Variants in CELF5 observed in about 807,000 individuals in gnomAD.
CELF5 encodes CUG-BP and ETR-3 like factor 5.
Under a neutral mutation model 54.9 loss-of-function variants are expected in CELF5, and 6 were observed. That is an observed-to-expected ratio of 0.11 (90% CI 0.06 to 0.22). CELF5 has a LOEUF of 0.22. Among genes scored for constraint, CELF5 ranks in the 10% least tolerant of loss-of-function variants. The pLI, the probability that CELF5 is intolerant of heterozygous loss-of-function variation, is 1.00. For missense variants in CELF5, 401 were observed against 678.6 expected (o/e 0.59, Z 4.54); for synonymous variants, 271 against 290.9 (o/e 0.93, Z 0.70).
chr19:3,238,823 A>G (rs200625062), intron 1 of CELF5, among the ~76,000 whole-genome samples: 102 of 152,302 alleles, frequency 6.7e-4, no homozygotes, highest in East Asian at 5.2e-3. Flanking sequence ...CCCAGTACTC[A>G]GGAGGCTGAA....
chr19:3,235,190 A>G (rs4807426), intron 1 of CELF5, among the ~76,000 whole-genome samples: 30,936 of 151,958 alleles, frequency 0.2, 3,123 homozygotes, highest in East Asian at 0.24. Flanking sequence ...TTCTTCCCCC[A>G]GATACTCACA....
At position 3,281,099 on chromosome 19, in the gene CELF5, C is replaced by A; in HGVS notation, c.604-100C>A. 2 of 1,397,036 alleles carry A rather than the reference C, an allele frequency of 1.4e-6. No homozygotes were observed. The highest frequency in any genetic ancestry group is 2.0e-6 in the Non-Finnish European group (2 of 1,015,910). 86.5% of individuals were successfully genotyped at this position (1,397,036 alleles called of 1,614,324 possible). ...ATGGCTGACAGCCACTGGCATTACACCCCTCACCCAGGAGGCCTGAGCTAA... is the reference window on the plus strand; with the variant it reads ...ATGGCTGACAGCCACTGGCATTACAACCCTCACCCAGGAGGCCTGAGCTAA... On this transcript the variant is annotated intron_variant, in intron 5 of 12. Coordinates refer to ENST00000292672, the MANE Select transcript of CELF5 (RefSeq NM_021938.4). This position sits in a 1 kb window ranked among gnomAD's most constrained non-coding sequence, Gnocchi z 6.5.
At position 3,228,693 on chromosome 19, in the gene CELF5, G is replaced by A. The variant is rs948403626; in HGVS notation, c.259+3695G>A. On this transcript the variant is annotated intron_variant, in intron 1 of 12. Transcript: ENST00000292672. This position sits in a 1 kb window ranked among gnomAD's most constrained non-coding sequence, Gnocchi z 6.0. ...CACCAGCTGCCGGCTCGACTCGGGAGGGGGGGAGGAGGAGGCTGTAGCAGG... is the reference window on the plus strand; with the variant it reads ...CACCAGCTGCCGGCTCGACTCGGGAAGGGGGGAGGAGGAGGCTGTAGCAGG... Among the ~76,000 whole-genome samples the A allele has an allele frequency of 3.3e-5, 5 of 151,906 alleles. No homozygotes were observed. Among genetic ancestry groups the A allele is most frequent in the South Asian group, 2.1e-4 (1 of 4,790 alleles).
At chr19:3,247,757 C>T (rs942221126) in intron 1 of CELF5, among the ~76,000 whole-genome samples, 16 of 151,342 alleles carry the variant, frequency 1.1e-4, no homozygotes, top group East Asian at 1.9e-4. Context: ...TGAAATGTAC[C>T]GTTAAAAAAT....
intron 2 of CELF5, among the ~76,000 whole-genome samples, chr19:3,256,638 G>A (rs966250928): frequency 1.0e-4 from 15 of 143,278 alleles, no homozygotes; most frequent in South Asian, 4.5e-4. Flanking sequence ...GCGCGATCTC[G>A]GCTCACTGCA....
intron 1 of CELF5, among the ~76,000 whole-genome samples, chr19:3,243,321 G>T (rs898794184): frequency 3.3e-5 from 5 of 152,028 alleles, no homozygotes; most frequent in African/African-American, 1.2e-4. Context: ...CTTGGCTGGA[G>T]CCAGGCTGGA....
chr19:3,225,953 C>T (rs557959477), intron 1 of CELF5, among the ~76,000 whole-genome samples: 1 of 152,188 alleles, frequency 6.6e-6, no homozygotes, highest in Non-Finnish European at 1.5e-5. Context: ...CTGCCTCCCT[C>T]CCACTGGATT....
intron 9 of CELF5, 53 bp downstream of exon 9, chr19:3,285,017 G>A: frequency 2.2e-6 from 3 of 1,390,576 alleles, no homozygotes; most frequent in South Asian, 2.5e-5. Flanking sequence ...CCCCGCCTAG[G>A]GCCCCGCCCC....
chr19:3,285,006 C>T, intron 9 of CELF5, 42 bp downstream of exon 9: 2 of 1,505,298 alleles, frequency 1.3e-6, no homozygotes, highest in Middle Eastern at 2.3e-4. Flanking sequence ...CCTGGCCCCG[C>T]CCCCGCCTAG....
rs780115309 is a variant in CELF5 at position 3,251,046 on chromosome 19, C to T, written c.321C>T (p.His107=). The T allele has an allele frequency of 9.9e-6, 16 of 1,613,814 alleles. No individual in the cohort carries two copies. The Admixed American group carries it at 1.0e-4, about 10-fold the overall frequency. The part of the protein sequence containing the change: ...DSAIKAQTAL[H]EQKTLPGMAR... ...CCATCAAAGCTCAGACTGCCCTGCACGAGCAGAAGACCTTGCCCGGAGTGA... is the reference window on the plus strand; with the variant it reads ...CCATCAAAGCTCAGACTGCCCTGCATGAGCAGAAGACCTTGCCCGGAGTGA... Residue 107 remains histidine (H), a synonymous_variant, in exon 2 of 13, where the codon CAC becomes CAT. Transcript: ENST00000292672.
At chr19:3,280,633 A>C (rs2080133988) in intron 5 of CELF5, among the ~76,000 whole-genome samples, 1 of 152,052 alleles carries the variant, frequency 6.6e-6, no homozygotes, top group Admixed American at 6.5e-5. Context: ...GGCATGGAGG[A>C]CAGAGTCAGG....
intron 2 of CELF5, among the ~76,000 whole-genome samples, chr19:3,259,866 T>C (rs1381801362): frequency 2.0e-5 from 3 of 152,090 alleles, no homozygotes; most frequent in African/African-American, 7.2e-5. Context: ...CAGAGAACGA[T>C]CCGGCCCCAA....
intron 11 of CELF5, among the ~76,000 whole-genome samples, chr19:3,292,199 G>A (rs981032744): frequency 5.9e-5 from 9 of 151,718 alleles, no homozygotes; most frequent in Admixed American, 2.0e-4. Context: ...CACCCGCCTC[G>A]GCCTCCCAAA....
intron 10 of CELF5, 80 bp downstream of exon 10, chr19:3,286,105 C>T (rs886631872): frequency 1.6e-6 from 2 of 1,276,830 alleles, no homozygotes; most frequent in Non-Finnish European, 2.1e-6. Flanking sequence ...GTGTCTGGCC[C>T]GGGCCTCTGG....
At chr19:3,242,528 C>T (rs1343434520) in intron 1 of CELF5, among the ~76,000 whole-genome samples, 1 of 151,534 alleles carries the variant, frequency 6.6e-6, no homozygotes, top group Non-Finnish European at 1.5e-5. Flanking sequence ...AAAAAATGGC[C>T]GGGCGCAGTG....
rs1335498286 is a variant in CELF5, at chr19:3,224,868, C to A, written c.129C>A (p.Asp43Glu). The change falls in exon 1 of 13, where the codon GAC becomes GAA. Residue 43 changes from aspartate to glutamate, a missense_variant. This residue lies in a region of CELF5 where 66 missense variants were observed against 132.3 expected (regional missense o/e 0.50). Coordinates refer to ENST00000292672, the MANE Select transcript of CELF5 (RefSeq NM_021938.4). Reference sequence around the variant, plus strand: ...AGCCCGACGGCATGAAGGACCTGGACGCCATCAAACTCTTCGTGGGCCAGA... The same window carrying A: ...AGCCCGACGGCATGAAGGACCTGGAAGCCATCAAACTCTTCGTGGGCCAGA... Reference protein sequence around the residue: ...GGQPDGMKDLDAIKLFVGQIP... With the variant: ...GGQPDGMKDLEAIKLFVGQIP... 1 of 1,607,016 alleles carries A rather than the reference C, an allele frequency of 6.2e-7. No individual in the cohort carries two copies. The highest frequency in any genetic ancestry group is 1.7e-5 in the Admixed American group (1 of 59,276).
intron 4 of CELF5, among the ~76,000 whole-genome samples, chr19:3,277,465 C>G (rs1461875881): frequency 6.6e-6 from 1 of 152,092 alleles, no homozygotes. Flanking sequence ...GAGCAAGACT[C>G]TGACTCAAAA....
chr19:3,274,422 G>A (rs1346035999), intron 3 of CELF5, among the ~76,000 whole-genome samples: 4 of 152,230 alleles, frequency 2.6e-5, no homozygotes, highest in Non-Finnish European at 5.9e-5. Flanking sequence ...TCTGCAGCTG[G>A]TGCACATAAG....
At chr19:3,290,591 T>G (rs1599489250) in intron 11 of CELF5, among the ~76,000 whole-genome samples, 1 of 143,708 alleles carries the variant, frequency 7.0e-6, no homozygotes, top group African/African-American at 2.6e-5. Flanking sequence ...TGAGACAGAG[T>G]CTCGCTCTGT....
Sources: allele counts gnomAD v4.1 joint callset (sites outside exome capture counted in the v4.1 genomes callset), GRCh38; gene constraint gnomAD v4.1.1; regional missense constraint gnomAD v4.1.1; non-coding constraint Gnocchi (gnomAD v3.1); transcripts MANE v1.5; gene names NCBI Gene and HGNC (gene_info 2026-07-23, HGNC 2026-07-21).